The following ARHGEF4 variants were observed in gnomAD, a reference collection of about 807,000 sequenced individuals.
ARHGEF4 encodes the protein APC-stimulated guanine nucleotide exchange factor 1.
ARHGEF4 carries 119 observed loss-of-function variants against 162.0 expected under a neutral mutation model. The observed-to-expected ratio is 0.73, with a 90% CI of 0.63 to 0.86. The LOEUF is 0.86. ARHGEF4 is among the 40% of genes least tolerant of loss of function. The pLI is 0.00. For missense variants in ARHGEF4, 2,488 were observed against 2,456.0 expected (o/e 1.01, Z -0.28); for synonymous variants, 1,014 against 979.9 (o/e 1.03, Z -0.65).
At chr2:130,964,928 G>C (rs1431154720) in intron 4 of ARHGEF4, among the ~76,000 whole-genome samples, 3 of 152,226 alleles carry the variant, frequency 2.0e-5, no homozygotes, top group Non-Finnish European at 4.4e-5. Flanking sequence ...AATGGAGCAA[G>C]GAAGTCAAGA....
rs1680237511 is a variant in ARHGEF4 at position 130,836,966 on chromosome 2, G to C, written c.13G>C (p.Val5Leu). ...CCCGGCGGCCACCATGCTCAGCGTC[G>C]TGCACTTCCTCCGGAGCTTCTTCAA... MLSV[V>L]HFLRSFFKTP... The change falls in exon 1 of 14, where the codon GTG becomes CTG. Residue 5 changes from valine to leucine, a missense_variant. Physicochemically the swap from Val to Leu is conservative, Grantham distance 32. Around this residue, in one of 6 missense-constraint regions of ARHGEF4, gnomAD observed 171 missense variants for 169.4 expected, o/e 1.01. Coordinates refer to ENST00000409359, the MANE Select transcript of ARHGEF4 (RefSeq NM_001367493.1). 8.2e-7 allele frequency: 1 copy of C among 1,226,610 alleles called. No homozygotes were observed. Among genetic ancestry groups the C allele is most frequent in the African/African-American group, 1.6e-5 (1 of 64,180 alleles). 76.0% of individuals were successfully genotyped at this position (1,226,610 alleles called of 1,614,324 possible).
At chr2:130,849,991 T>C (rs1387190671) in intron 1 of ARHGEF4, among the ~76,000 whole-genome samples, 1 of 152,246 alleles carries the variant, frequency 6.6e-6, no homozygotes. Flanking sequence ...AGTGGCATCT[T>C]TGTAAGCAGG....
intron 4 of ARHGEF4, among the ~76,000 whole-genome samples, chr2:130,954,697 T>C (rs1684163349): frequency 6.6e-6 from 1 of 152,236 alleles, no homozygotes; most frequent in Admixed American, 6.5e-5. Flanking sequence ...TTGCTGCTAT[T>C]CTCTTTTAGG....
In ARHGEF4 at chr2:130,916,455, C is replaced by A; in HGVS notation, c.2509C>A (p.Pro837Thr). ...SGPEGLPREN[P>T]PAAAGRDAPP... is the part of the protein sequence containing the mutation. The stretch of plus-strand genomic sequence containing the variant: ...CCCCGAGGGGCTCCCCAGGGAGAAT[C>A]CGCCCGCTGCGGCCGGTCGGGACGC... The change falls in exon 2 of 14, where the codon CCG becomes ACG. Residue 837 changes from proline (P) to threonine (T), a missense_variant. Physicochemically the swap from Pro to Thr is conservative, Grantham distance 38 (BLOSUM62 -1). Around this residue, in one of 6 missense-constraint regions of ARHGEF4, gnomAD observed 1,642 missense variants for 1,481.5 expected, o/e 1.11. Transcript: ENST00000409359. 6.5e-7 allele frequency: 1 copy of A among 1,541,900 alleles called. No individual in the cohort carries two copies. Among genetic ancestry groups the A allele is most frequent in the African/African-American group, 1.4e-5 (1 of 73,050 alleles).
chr2:130,958,998 G>A (rs1048566386), intron 4 of ARHGEF4, among the ~76,000 whole-genome samples: 5 of 151,088 alleles, frequency 3.3e-5, no homozygotes, highest in African/African-American at 1.2e-4. Context: ...CTGGAGTGCA[G>A]TGGCATGATC....
At chr2:130,993,505 T>C (rs1687184981) in intron 4 of ARHGEF4, among the ~76,000 whole-genome samples, 1 of 152,174 alleles carries the variant, frequency 6.6e-6, no homozygotes, top group Non-Finnish European at 1.5e-5. Context: ...CTTTGTCTGC[T>C]TGTTTTATCA....
At chr2:131,037,089 A>G (rs1014495516) in intron 5 of ARHGEF4, among the ~76,000 whole-genome samples, 7 of 152,144 alleles carry the variant, frequency 4.6e-5, no homozygotes, top group African/African-American at 7.2e-5. Context: ...GCCCCCAGGA[A>G]TAACCCAGGG....
At chr2:130,869,452 C>A (rs1324543767) in intron 1 of ARHGEF4, among the ~76,000 whole-genome samples, 6 of 152,178 alleles carry the variant, frequency 3.9e-5, no homozygotes, top group Non-Finnish European at 5.9e-5. Context: ...GAGGGAGTTA[C>A]CCCTGAGATA....
chr2:130,902,470 T>G (rs944785976), intron 1 of ARHGEF4, among the ~76,000 whole-genome samples: 1 of 152,146 alleles, frequency 6.6e-6, no homozygotes, highest in Non-Finnish European at 1.5e-5. Context: ...GGCAGGTGCC[T>G]GTAATCCCAG....
chr2:130,958,019 A>AT (rs1479513748), intron 4 of ARHGEF4, among the ~76,000 whole-genome samples: 64 of 151,788 alleles, frequency 4.2e-4, no homozygotes, highest in African/African-American at 1.5e-3. Context: ...AAGGAACAAA[A>AT]AAAAAAAAGA....
At chr2:130,969,327 T>C (rs1050082253) in intron 4 of ARHGEF4, among the ~76,000 whole-genome samples, 1 of 152,002 alleles carries the variant, frequency 6.6e-6, no homozygotes, top group Admixed American at 6.6e-5. Context: ...GCCGGGTGCG[T>C]TGGGTCACAC....
intron 4 of ARHGEF4, among the ~76,000 whole-genome samples, chr2:130,979,998 G>T (rs1172824737): frequency 6.6e-6 from 1 of 152,128 alleles, no homozygotes; most frequent in Non-Finnish European, 1.5e-5. Flanking sequence ...AGAAGTTACT[G>T]CCAGCAACAC....
chr2:131,039,296 C>A lies in ARHGEF4; in HGVS notation c.4305+264C>A, dbSNP rs1483936178. ...AGACACTAGGCACCCCTCTGCGATACCCCCGCAACTCCAGGCGCTAGACAT... is the reference window on the plus strand; with the variant it reads ...AGACACTAGGCACCCCTCTGCGATAACCCCGCAACTCCAGGCGCTAGACAT... On this transcript the variant is annotated intron_variant, in intron 6 of 13. Coordinates refer to ENST00000409359, the MANE Select transcript of ARHGEF4 (RefSeq NM_001367493.1). The A allele has an allele frequency of 2.4e-6, 3 of 1,262,938 alleles. No homozygotes were observed. In the Admixed American group the frequency reaches 1.1e-4, roughly 47 times the overall value. 78.2% of individuals were successfully genotyped at this position (1,262,938 alleles called of 1,614,324 possible).
At chr2:130,909,012 G>A (rs758177836) in intron 1 of ARHGEF4, among the ~76,000 whole-genome samples, 9 of 152,204 alleles carry the variant, frequency 5.9e-5, no homozygotes, top group Admixed American at 2.0e-4. Context: ...GGATTAACAT[G>A]AACAAGGCTG....
At chr2:130,952,321 T>TA (rs568600881) in intron 4 of ARHGEF4, among the ~76,000 whole-genome samples, 18 of 152,198 alleles carry the variant, frequency 1.2e-4, no homozygotes, top group Admixed American at 1.0e-3. Flanking sequence ...ATTTCTTTTT[T>TA]AAAAAAAATC....
intron 4 of ARHGEF4, among the ~76,000 whole-genome samples, chr2:131,001,414 C>A (rs1481249222): frequency 6.6e-6 from 1 of 150,500 alleles, no homozygotes; most frequent in East Asian, 1.9e-4. Flanking sequence ...AGAAGAGGAA[C>A]CTGAATAATC....
Position 131,041,360 on chromosome 2 carries a change from T to C in ARHGEF4, c.4793T>C (p.Ile1598Thr), listed in dbSNP as rs1415365544. ...FEACRLLQKM[I>T]DISLDGFLLT... is the part of the protein sequence containing the mutation. ...GCCTGCCGGCTGCTGCAGAAGATGA[T>C]TGACATCTCCCTGGATGGCTTCCTG... Residue 1598 changes from isoleucine (I) to threonine (T), a missense_variant, in exon 9 of 14, where the codon ATT (isoleucine) becomes ACT (threonine). This residue lies in a region of ARHGEF4 where 415 missense variants were observed against 512.4 expected (regional missense o/e 0.81). Coordinates refer to ENST00000409359, the MANE Select transcript of ARHGEF4 (RefSeq NM_001367493.1). The C allele has an allele frequency of 1.9e-6, 3 of 1,613,608 alleles. No individual in the cohort carries two copies. The highest frequency in any genetic ancestry group is 2.2e-5 in the South Asian group (2 of 91,090).
At chr2:130,946,663 A>G (rs754883198) in intron 4 of ARHGEF4, 28 bp downstream of exon 4, 9 of 1,612,708 alleles carry the variant, frequency 5.6e-6, no homozygotes, top group African/African-American at 4.0e-5. Context: ...CTCTTTTGCT[A>G]TGTACTCTGG....
intron 1 of ARHGEF4, among the ~76,000 whole-genome samples, chr2:130,865,598 C>T (rs908915595): frequency 1.3e-5 from 2 of 152,216 alleles, no homozygotes; most frequent in Non-Finnish European, 2.9e-5. Context: ...ATCACACACT[C>T]AGGACCCCCT....
Sources: allele counts gnomAD v4.1 joint callset (sites outside exome capture counted in the v4.1 genomes callset), GRCh38; gene constraint gnomAD v4.1.1; regional missense constraint gnomAD v4.1.1; transcripts MANE v1.5; gene names NCBI Gene and HGNC (gene_info 2026-07-23, HGNC 2026-07-21).